The following ACAT1 variants were observed in gnomAD, a reference collection of about 807,000 sequenced individuals.
The protein encoded by ACAT1 is acetyl-CoA acetyltransferase 1, also known as acetyl-CoA acetyltransferase, mitochondrial.
In ACAT1, 28 loss-of-function variants were observed where a neutral mutation model predicts 47.3. That is an observed-to-expected ratio of 0.59 (90% confidence interval 0.44 to 0.81). ACAT1 has a LOEUF of 0.81. Among genes scored for constraint, ACAT1 ranks in the 30% least tolerant of loss-of-function variants. The pLI, the probability that ACAT1 is intolerant of heterozygous loss-of-function variation, is 0.00. For missense variants in ACAT1, 469 were observed against 524.3 expected (o/e 0.89, Z 1.03); for synonymous variants, 181 against 173.6 (o/e 1.04, Z -0.34).
intron 1 of ACAT1, 72 bp downstream of exon 1, chr11:108,121,750 C>G (rs889874749): frequency 5.3e-6 from 8 of 1,509,336 alleles, no homozygotes; most frequent in South Asian, 2.4e-5. Context: ...GCTTCCAGCC[C>G]GCGGCCGTTG....
intron 1 of ACAT1, 102 bp downstream of exon 1, chr11:108,121,780 G>C: frequency 7.4e-7 from 1 of 1,342,996 alleles, no homozygotes; most frequent in African/African-American, 1.4e-5. Context: ...CGGCCCGGGC[G>C]CGCGGCTTAG....
upstream of ACAT1, among the ~76,000 whole-genome samples, chr11:108,120,809 AG>A (rs542362729): frequency 1.4e-4 from 21 of 152,144 alleles, no homozygotes; most frequent in Middle Eastern, 3.2e-3. Flanking sequence ...CTGTAATCCC[AG>A]CACTTTGAGA....
Position 108,139,016 on chromosome 11 carries a change from CTG to C in ACAT1, c.555_556del (p.Asp186CysfsTer4). 1 of 1,614,146 alleles carries C rather than the reference CTG, an allele frequency of 6.2e-7. No homozygotes were observed. Among genetic ancestry groups the C allele is most frequent in the Non-Finnish European group, 8.5e-7 (1 of 1,180,026 alleles). ...GATTTGATTGTAAAAGACGGGCTAA[CTG>C]ATGTCTACAATAAAATTCATATGGT... On this transcript the variant is annotated frameshift_variant, in exon 6 of 12. Coordinates refer to ENST00000265838, the MANE Select transcript of ACAT1 (RefSeq NM_000019.4). LOFTEE classifies it high-confidence loss of function.
At position 108,140,127 on chromosome 11, in the gene ACAT1, T is replaced by C. The variant is rs761282960; in HGVS notation, c.642T>C (p.Tyr214=). The C allele has an allele frequency of 1.9e-6, 3 of 1,614,184 alleles. No homozygotes were observed. The highest frequency in any genetic ancestry group is 2.7e-5 in the African/African-American group (2 of 75,062). ...TTGCACGAAATGAACAGGACGCTTA[T>C]GCTATTAATTCTTATACCAGAAGTA... ...LNIARNEQDA[Y]AINSYTRSKA... is the part of the protein sequence containing the mutation. Residue 214 remains tyrosine, a synonymous_variant, in exon 7 of 12, where the codon TAT becomes TAC. Transcript: ENST00000265838.
At chr11:108,133,609 A>C (rs2077403868) in intron 2 of ACAT1, among the ~76,000 whole-genome samples, 3 of 152,198 alleles carry the variant, frequency 2.0e-5, no homozygotes. Flanking sequence ...ACTGGGAAGG[A>C]TCTACATCTG....
intron 1 of ACAT1, among the ~76,000 whole-genome samples, chr11:108,131,217 G>C (rs1306478393): frequency 6.6e-6 from 1 of 152,110 alleles, no homozygotes; most frequent in Admixed American, 6.6e-5. Context: ...GAAGTGGATA[G>C]GGAGAAACAG....
upstream of ACAT1, among the ~76,000 whole-genome samples, chr11:108,118,888 G>A (rs1425532011): frequency 6.6e-6 from 1 of 152,120 alleles, no homozygotes; most frequent in Non-Finnish European, 1.5e-5. Context: ...CTTTTTCCTG[G>A]TAGTGCCTCT....
chr11:108,142,654 T>C (rs2077614653), intron 9 of ACAT1, 104 bp downstream of exon 9: 3 of 876,378 alleles, frequency 3.4e-6, no homozygotes, highest in Non-Finnish European at 5.6e-6. Context: ...CTGGGCAATA[T>C]AGTGAGACTT....
chr11:108,130,930 A>C (rs2077344639), intron 1 of ACAT1, among the ~76,000 whole-genome samples: 1 of 151,996 alleles, frequency 6.6e-6, no homozygotes, highest in African/African-American at 2.4e-5. Context: ...TTGTATTTTT[A>C]GTAGAGACGG....
intron 1 of ACAT1, among the ~76,000 whole-genome samples, chr11:108,130,593 C>A (rs890103757): frequency 4.0e-5 from 6 of 151,780 alleles, no homozygotes; most frequent in Non-Finnish European, 7.4e-5. Flanking sequence ...GGGGTTTGAC[C>A]ATGTTGGTCA....
chr11:108,141,547 T>C (rs1266220189), intron 7 of ACAT1, 58 bp from the exon 8 acceptor site: 8 of 1,321,456 alleles, frequency 6.1e-6, no homozygotes, highest in Non-Finnish European at 8.6e-6. Flanking sequence ...TGTACAACAG[T>C]TGCTTGCTGA....
chr11:108,142,888 T>C (rs1487103984), intron 9 of ACAT1: 1 of 271,124 alleles, frequency 3.7e-6, no homozygotes, highest in East Asian at 8.1e-5. Flanking sequence ...AAATTGAGTT[T>C]ACTTGTTAGA....
At chr11:108,145,305 T>A (rs1160729417) in intron 10 of ACAT1, among the ~76,000 whole-genome samples, 1 of 152,188 alleles carries the variant, frequency 6.6e-6, no homozygotes. Context: ...TACAGTAACA[T>A]TTATAAAGCA....
At chr11:108,122,119 T>C (rs1165754769) in intron 1 of ACAT1, among the ~76,000 whole-genome samples, 1 of 152,210 alleles carries the variant, frequency 6.6e-6, no homozygotes, top group Non-Finnish European at 1.5e-5. Flanking sequence ...TAGATAATCA[T>C]TGGGCATACA....
intron 1 of ACAT1, among the ~76,000 whole-genome samples, chr11:108,127,663 G>A (rs1268576420): frequency 6.6e-6 from 1 of 152,196 alleles, no homozygotes; most frequent in Admixed American, 6.6e-5. Flanking sequence ...GGGACATTCA[G>A]CACTTGGAGG....
Position 108,125,728 on chromosome 11 carries a change from C to G in ACAT1, c.72+4050C>G, listed in dbSNP as rs1333472528. Among the ~76,000 whole-genome samples, 4 of 152,036 alleles carry G rather than the reference C, an allele frequency of 2.6e-5. No homozygotes were observed. In the East Asian group the frequency reaches 7.8e-4, roughly 30 times the overall value. On this transcript the variant is annotated intron_variant, in intron 1 of 11. Coordinates refer to ENST00000265838, the MANE Select transcript of ACAT1 (RefSeq NM_000019.4). ...AGATCACCAGGTCAGGAGATCGAGA[C>G]TATCCTGGCTAACAAGGTGAAACCC...
chr11:108,141,913 A>T (rs1345133208), intron 8 of ACAT1, among the ~76,000 whole-genome samples: 2 of 152,230 alleles, frequency 1.3e-5, no homozygotes, highest in African/African-American at 4.8e-5. Context: ...TATAGAATTC[A>T]GTTTTTCATA....
rs974624239 is a variant in ACAT1 at position 108,135,010 on chromosome 11, A to G, written c.335-132A>G. On this transcript the variant is annotated intron_variant, in intron 4 of 11. Transcript: ENST00000265838. ...TGAAGGTTATTTAAGCTTAAATGAAATATTAAATGCATGATATAATTTGTA... is the reference window on the plus strand; with the variant it reads ...TGAAGGTTATTTAAGCTTAAATGAAGTATTAAATGCATGATATAATTTGTA... 65 of 647,436 alleles carry G rather than the reference A, an allele frequency of 1.0e-4. No individual in the cohort carries two copies. In the African/African-American group the frequency reaches 1.2e-3, roughly 12 times the overall value. The allele number at this position is 647,436 out of a possible 1,614,324, so 40.1% of individuals were successfully genotyped here.
Position 108,143,976 on chromosome 11 carries a change from TA to T in ACAT1, c.941-4del, listed in dbSNP as rs1346981868. 1 of 722,702 alleles carries T rather than the reference TA, an allele frequency of 1.4e-6. No homozygotes were observed. Among genetic ancestry groups the T allele is most frequent in the African/African-American group, 2.0e-5 (1 of 51,076 alleles). 44.8% of individuals were successfully genotyped at this position (722,702 alleles called of 1,614,324 possible). A position where few individuals can be genotyped will look rare whatever the true frequency, so the allele number is the denominator to read the frequency against. Reference sequence around the variant, plus strand: ...TTAACAACCCCCCCCCCCCTTTTTTTAAACAGCATTTGCTGACGCTGCTGTA... The same window carrying T: ...TTAACAACCCCCCCCCCCCTTTTTTTAACAGCATTTGCTGACGCTGCTGTA... On this transcript the variant is annotated splice_polypyrimidine_tract_variant and splice_region_variant and intron_variant, in intron 9 of 11. Coordinates refer to ENST00000265838, the MANE Select transcript of ACAT1 (RefSeq NM_000019.4).
Sources: allele counts gnomAD v4.1 joint callset (sites outside exome capture counted in the v4.1 genomes callset), GRCh38; gene constraint gnomAD v4.1.1; transcripts MANE v1.5; gene names NCBI Gene and HGNC (gene_info 2026-07-23, HGNC 2026-07-21).